The following ANKS6 variants were observed in gnomAD, a reference collection of about 807,000 sequenced individuals.
ANKS6 encodes ankyrin repeat and sterile alpha motif domain containing 6, also known as ankyrin repeat and SAM domain-containing protein 6.
A neutral mutation model predicts 77.9 loss-of-function variants in ANKS6; 47 were observed. The ratio of observed to expected loss-of-function variants is 0.60; its 90% CI spans 0.48 to 0.77. ANKS6 has a LOEUF of 0.77. ANKS6 is among the 30% of genes least tolerant of loss of function. The pLI is 0.00. For missense variants in ANKS6, 1,150 were observed against 1,159.1 expected (o/e 0.99, Z 0.11); for synonymous variants, 488 against 501.7 (o/e 0.97, Z 0.37).
intron 3 of ANKS6, chr9:98,784,370 G>A: frequency 2.1e-6 from 1 of 476,958 alleles, no homozygotes; most frequent in Non-Finnish European, 3.7e-6. Context: ...CGAATGGGCA[G>A]AAGTGTTACC....
intron 11 of ANKS6, among the ~76,000 whole-genome samples, chr9:98,767,436 C>T (rs1293053408): frequency 2.0e-5 from 3 of 152,170 alleles, no homozygotes; most frequent in Non-Finnish European, 2.9e-5. Context: ...GGGTAGGGCC[C>T]CCCACCTGTG....
intron 6 of ANKS6, among the ~76,000 whole-genome samples, chr9:98,779,907 C>A (rs1464748312): frequency 1.3e-5 from 2 of 152,164 alleles, no homozygotes; most frequent in African/African-American, 2.4e-5. Context: ...CGTGATCCGC[C>A]CGTCTTGGCC....
chr9:98,745,678 G>T lies in ANKS6; in HGVS notation c.2395-3C>A. 6.2e-7 allele frequency: 1 copy of T among 1,611,418 alleles called. No individual in the cohort carries two copies. ...GTGAGGAACGCTTCCATGTCCACCT[G>T]GGGAGAGAGAGGGGATTTGCCACCA... On this transcript the variant is annotated splice_polypyrimidine_tract_variant and splice_region_variant and intron_variant, in intron 13 of 14. Transcript: ENST00000353234.
chr9:98,780,598 T>C lies in ANKS6; in HGVS notation c.1220-261A>G, dbSNP rs7865233. On this transcript the variant is annotated intron_variant, in intron 5 of 14. Coordinates refer to ENST00000353234, the MANE Select transcript of ANKS6 (RefSeq NM_173551.5). ...GGCAGGGGGACAGTGTGTTTAAAAGTGCAGGCTTCACAGCCAGGCTGCAGA... is the reference window on the plus strand; with the variant it reads ...GGCAGGGGGACAGTGTGTTTAAAAGCGCAGGCTTCACAGCCAGGCTGCAGA... Among the ~76,000 whole-genome samples, 106,967 of 152,130 alleles carry C rather than the reference T, an allele frequency of 0.7. 38,182 individuals are homozygous for C. Among genetic ancestry groups the C allele is most frequent in the African/African-American group, 0.76 (31,437 of 41,502 alleles).
At chr9:98,782,973 G>A (rs921269057) in intron 4 of ANKS6, among the ~76,000 whole-genome samples, 1 of 152,126 alleles carries the variant, frequency 6.6e-6, no homozygotes, top group Non-Finnish European at 1.5e-5. Flanking sequence ...TGTAGTTCCA[G>A]CTACTTGAGA....
intron 1 of ANKS6, among the ~76,000 whole-genome samples, chr9:98,795,562 G>GC (rs1165847611): frequency 6.6e-6 from 1 of 152,118 alleles, no homozygotes; most frequent in Non-Finnish European, 1.5e-5. Context: ...CTTTGCATGG[G>GC]CCTCCCATCA....
At chr9:98,736,728 C>T (rs1831521536) in intron 14 of ANKS6, 105 bp from the exon 15 acceptor site, 1 of 1,386,512 alleles carries the variant, frequency 7.2e-7, no homozygotes, top group African/African-American at 1.4e-5. Context: ...TTCAAAAACC[C>T]ATGGGCGTCT....
chr9:98,792,589 T>C (rs987670738), intron 1 of ANKS6, among the ~76,000 whole-genome samples: 1 of 152,208 alleles, frequency 6.6e-6, no homozygotes, highest in Non-Finnish European at 1.5e-5. Flanking sequence ...CTGTAGTACA[T>C]TTCTAAAAGA....
At position 98,733,666 on chromosome 9, in the gene ANKS6, T is replaced by C. The variant is rs1831324945; in HGVS notation, c.*2853A>G. 2.0e-6 allele frequency: 2 copies of C among 985,274 alleles called. No individual in the cohort carries two copies. The highest frequency in any genetic ancestry group is 4.7e-5 in the South Asian group (1 of 21,276). The allele number at this position is 985,274 out of a possible 1,614,324, so 61.0% of individuals were successfully genotyped here. A position where few individuals can be genotyped will look rare whatever the true frequency, so the allele number is the denominator to read the frequency against. On this transcript the variant is annotated 3_prime_UTR_variant, in exon 15 of 15. Transcript: ENST00000353234. ...CACCTTGGAGAAGTGATGAGAGTAA[T>C]GTGGGAGATGCTATGAGTTTCTTGG...
rs1434394884 is a variant in ANKS6, at chr9:98,751,113, T to TG, written c.2327-18dup. On this transcript the variant is annotated splice_polypyrimidine_tract_variant and intron_variant, in intron 12 of 14. Coordinates refer to ENST00000353234, the MANE Select transcript of ANKS6 (RefSeq NM_173551.5). ...TCAGTTCATCTTCAAGATGGAAAGG[T>TG]GAAAAAAAAACAACACATTTTAGAA... 1.9e-6 allele frequency: 3 copies of TG among 1,584,106 alleles called. No individual in the cohort carries two copies. Among genetic ancestry groups the TG allele is most frequent in the East Asian group, 2.2e-5 (1 of 44,654 alleles).
At chr9:98,771,917 C>T (rs908519372) in intron 9 of ANKS6, among the ~76,000 whole-genome samples, 4 of 152,156 alleles carry the variant, frequency 2.6e-5, no homozygotes, top group Non-Finnish European at 5.9e-5. Flanking sequence ...ACATTTACTG[C>T]GGTTGCCTGT....
intron 11 of ANKS6, among the ~76,000 whole-genome samples, chr9:98,758,324 C>CTTTTTT (rs35699060): frequency 4.4e-5 from 6 of 134,846 alleles, no homozygotes; most frequent in South Asian, 2.4e-4. Flanking sequence ...CGCCATCTTT[C>CTTTTTT]TTTTTTTTTT....
chr9:98,739,418 C>G (rs1770081129), intron 14 of ANKS6, among the ~76,000 whole-genome samples: 1 of 152,268 alleles, frequency 6.6e-6, no homozygotes, highest in Admixed American at 6.5e-5. Context: ...CCAGCCTGGG[C>G]AACAGAGCGA....
At chr9:98,750,202 T>C (rs867072513) in intron 13 of ANKS6, among the ~76,000 whole-genome samples, 8 of 152,206 alleles carry the variant, frequency 5.3e-5, no homozygotes, top group Admixed American at 6.5e-5. Flanking sequence ...CCCAACTCTC[T>C]GGCAACCACG....
At position 98,733,003 on chromosome 9, in the gene ANKS6, A is replaced by G; in HGVS notation, c.*3516T>C. 1 of 948,140 alleles carries G rather than the reference A, an allele frequency of 1.1e-6. No homozygotes were observed. The highest frequency in any genetic ancestry group is 1.3e-6 in the Non-Finnish European group (1 of 788,402). 58.7% of individuals were successfully genotyped at this position (948,140 alleles called of 1,614,324 possible). ...TCTCCTCTGGGGCGTGCCCAGGCTG[A>G]GCCTGAGCCATCATCGATGACTTTC... On this transcript the variant is annotated 3_prime_UTR_variant, in exon 15 of 15. Transcript: ENST00000353234.
intron 8 of ANKS6, among the ~76,000 whole-genome samples, chr9:98,775,034 G>C (rs1040589167): frequency 6.6e-6 from 1 of 152,230 alleles, no homozygotes; most frequent in Non-Finnish European, 1.5e-5. Context: ...TACACCTCCG[G>C]GGTTCCCAGG....
intron 13 of ANKS6, among the ~76,000 whole-genome samples, chr9:98,749,162 T>C (rs1271321786): frequency 1.3e-5 from 2 of 152,000 alleles, no homozygotes; most frequent in Non-Finnish European, 2.9e-5. Flanking sequence ...AGAAACTAAG[T>C]AAAAGGAAGA....
rs1831464287 is a variant in ANKS6, at chr9:98,735,771, T to G, written c.*748A>C. ...CCACTTCTTTCCTTCTATAATAGAC[T>G]CTCTTTGCAATAAAGAAAAATGCGT... is the stretch of plus-strand genomic sequence containing the variant. On this transcript the variant is annotated 3_prime_UTR_variant, in exon 15 of 15. Transcript: ENST00000353234. 1.6e-6 allele frequency: 2 copies of G among 1,231,684 alleles called. No homozygotes were observed. Among genetic ancestry groups the G allele is most frequent in the South Asian group, 4.1e-5 (1 of 24,318 alleles). 76.3% of individuals were successfully genotyped at this position (1,231,684 alleles called of 1,614,324 possible).
Position 98,745,556 on chromosome 9 carries a change from T to C in ANKS6, c.2511+3A>G, listed in dbSNP as rs2131933540. 3 of 1,609,530 alleles carry C rather than the reference T, an allele frequency of 1.9e-6. No homozygotes were observed. The highest frequency in any genetic ancestry group is 4.5e-5 in the East Asian group (2 of 44,856). ...CGGAAATACAAGAAACAGAGAACGG[T>C]ACCTTGCCTGCGTTCAGTTCAGAAA... On this transcript the variant is annotated splice_donor_region_variant and intron_variant, in intron 14 of 14. Coordinates refer to ENST00000353234, the MANE Select transcript of ANKS6 (RefSeq NM_173551.5).
Sources: gnomAD v4.1 joint callset for allele counts (sites outside exome capture counted in the v4.1 genomes callset) on GRCh38, gnomAD v4.1.1 for gene constraint, MANE v1.5 for transcripts, NCBI Gene and HGNC (gene_info 2026-07-23, HGNC 2026-07-21) for gene names.